PKIB: variants seen among roughly 807,000 people sequenced by gnomAD.
PKIB encodes the protein cAMP-dependent protein kinase inhibitor beta, also known as PKI-beta.
Under a neutral mutation model 4.5 loss-of-function variants are expected in PKIB, and 2 were observed. The observed-to-expected ratio is 0.44, with a 90% CI of 0.18 to 1.39. PKIB has a LOEUF of 1.39. Ranked by LOEUF, PKIB falls within the 40% of genes most tolerant of loss-of-function variation. PKIB has a pLI of 0.27. For synonymous variants in PKIB, 38 were observed against 36.0 expected (o/e 1.06, Z -0.20); for missense variants, 94 against 92.6 (o/e 1.02, Z -0.06).
At chr6:122,598,369 T>C (rs571862853) in intron 3 of PKIB, among the ~76,000 whole-genome samples, 19 of 152,350 alleles carry the variant, frequency 1.2e-4, no homozygotes, top group African/African-American at 4.6e-4. Context: ...TTCTGATTGC[T>C]GCTTTGCCTC....
intron 2 of PKIB, among the ~76,000 whole-genome samples, chr6:122,539,202 G>A (rs536286752): frequency 0.015 from 2,249 of 152,122 alleles, 76 homozygotes; most frequent in African/African-American, 0.05. Context: ...GCCCTGGCCA[G>A]AACTTCCAAC....
intron 2 of PKIB, among the ~76,000 whole-genome samples, chr6:122,576,799 G>C (rs1018967665): frequency 4.8e-5 from 7 of 144,852 alleles, no homozygotes; most frequent in African/African-American, 1.8e-4. Context: ...TCTTGATTTT[G>C]TTAGGCATAT....
At chr6:122,640,696 C>A (rs967807384) in intron 2 of PKIB, among the ~76,000 whole-genome samples, 1 of 152,136 alleles carries the variant, frequency 6.6e-6, no homozygotes, top group Non-Finnish European at 1.5e-5. Context: ...TGAACTAGAG[C>A]AAGATTATGC....
At chr6:122,718,576 A>G (rs2115077854) in intron 4 of PKIB, among the ~76,000 whole-genome samples, 1 of 152,352 alleles carries the variant, frequency 6.6e-6, no homozygotes, top group South Asian at 2.1e-4. Context: ...GTTAAAAAAT[A>G]CACTCAGAGA....
chr6:122,553,581 A>G (rs1309768868), intron 2 of PKIB, among the ~76,000 whole-genome samples: 1 of 145,922 alleles, frequency 6.9e-6, no homozygotes, highest in Admixed American at 7.2e-5. Flanking sequence ...GACACAAGCC[A>G]TCCATAGGTC....
At chr6:122,531,858 A>G (rs1426489618) in intron 2 of PKIB, among the ~76,000 whole-genome samples, 1 of 152,246 alleles carries the variant, frequency 6.6e-6, no homozygotes, top group Admixed American at 6.5e-5. Flanking sequence ...GCTTGGCACA[A>G]AGTAGCTTAA....
chr6:122,585,814 C>T (rs936605447), intron 2 of PKIB: 9 of 152,096 alleles, frequency 5.9e-5, no homozygotes, highest in Non-Finnish European at 1.2e-4. Context: ...TTATCCAGAA[C>T]GGTTATTCCT....
At chr6:122,660,367 AT>A (rs1776936442) in intron 2 of PKIB, among the ~76,000 whole-genome samples, 1 of 152,210 alleles carries the variant, frequency 6.6e-6, no homozygotes, top group Non-Finnish European at 1.5e-5. Context: ...GGCATGTAGG[AT>A]TTCAGCTATG....
intron 3 of PKIB, among the ~76,000 whole-genome samples, chr6:122,680,300 T>A (rs1777847950): frequency 6.6e-6 from 1 of 152,226 alleles, no homozygotes; most frequent in South Asian, 2.1e-4. Flanking sequence ...ATTGATATTA[T>A]CTCATGCTAA....
At chr6:122,473,098 G>A (rs918300720) in intron 1 of PKIB, among the ~76,000 whole-genome samples, 6 of 152,108 alleles carry the variant, frequency 3.9e-5, no homozygotes, top group Non-Finnish European at 5.9e-5. Flanking sequence ...GCTGCAGAGC[G>A]AGACTCCGTC....
chr6:122,701,025 G>C (rs1778792798), intron 3 of PKIB: 1 of 164,058 alleles, frequency 6.1e-6, no homozygotes, highest in African/African-American at 2.4e-5. Flanking sequence ...AGTACCAAAT[G>C]CTCCTTCCTC....
At chr6:122,587,007 A>T (rs1773869483) in intron 3 of PKIB, among the ~76,000 whole-genome samples, 1 of 152,118 alleles carries the variant, frequency 6.6e-6, no homozygotes, top group Admixed American at 6.6e-5. Flanking sequence ...ATTAAATAAA[A>T]CAAACTAAAT....
chr6:122,618,320 C>G (rs897031622), intron 1 of PKIB, among the ~76,000 whole-genome samples: 1 of 152,094 alleles, frequency 6.6e-6, no homozygotes, highest in Admixed American at 6.5e-5. Context: ...AAAATACCCT[C>G]AAACATCTTT....
intron 2 of PKIB, among the ~76,000 whole-genome samples, chr6:122,550,023 T>G (rs1002540780): frequency 6.6e-6 from 1 of 151,904 alleles, no homozygotes; most frequent in Non-Finnish European, 1.5e-5. Flanking sequence ...CAAGTCATTC[T>G]CCTGCCTCAG....
chr6:122,599,286 A>AG (rs996034656), intron 3 of PKIB, among the ~76,000 whole-genome samples: 4 of 152,164 alleles, frequency 2.6e-5, no homozygotes, highest in Non-Finnish European at 5.9e-5. Context: ...CTGGCAAAAA[A>AG]GGTTCATCAG....
chr6:122,705,676 C>G (rs560132398), intron 3 of PKIB, among the ~76,000 whole-genome samples: 2 of 150,886 alleles, frequency 1.3e-5, no homozygotes, highest in Non-Finnish European at 2.9e-5. Flanking sequence ...AGTGATTCTC[C>G]TGCCTTGGCC....
chr6:122,664,005 A>C (rs1185721158), intron 2 of PKIB, among the ~76,000 whole-genome samples: 5 of 152,210 alleles, frequency 3.3e-5, no homozygotes, highest in Non-Finnish European at 7.3e-5. Flanking sequence ...CCTTCAAAAA[A>C]TTTATTTACA....
chr6:122,718,090 C>T lies in PKIB; in HGVS notation c.169+127C>T, dbSNP rs1380775266. ...TCCTTATTTGTTTACTTAAACCTCT[C>T]AGCTTTTGTTTAAGGCTTAGTAGAT... On this transcript the variant is annotated intron_variant, in intron 4 of 4. Coordinates refer to ENST00000368452, the MANE Select transcript of PKIB (RefSeq NM_181795.3). 19 of 959,920 alleles carry T rather than the reference C, an allele frequency of 2.0e-5. No homozygotes were observed. In the East Asian group the frequency reaches 4.9e-4, roughly 25 times the overall value. 59.5% of individuals were successfully genotyped at this position (959,920 alleles called of 1,614,324 possible). A position where few individuals can be genotyped will look rare whatever the true frequency, so the allele number is the denominator to read the frequency against.
intron 3 of PKIB, among the ~76,000 whole-genome samples, chr6:122,601,415 A>T (rs573512543): frequency 9.2e-5 from 14 of 152,322 alleles, no homozygotes; most frequent in African/African-American, 3.1e-4. Flanking sequence ...CAACTTTTTT[A>T]AAGTATTGGA....
Sources: allele counts gnomAD v4.1 joint callset (sites outside exome capture counted in the v4.1 genomes callset), GRCh38; gene constraint gnomAD v4.1.1; transcripts MANE v1.5; gene names NCBI Gene and HGNC (gene_info 2026-07-23, HGNC 2026-07-21).